Variants in CEP63 observed in about 807,000 individuals in gnomAD.
CEP63 encodes the protein centrosomal protein of 63 kDa.
A neutral mutation model predicts 89.1 loss-of-function variants in CEP63; 84 were observed. The ratio of observed to expected loss-of-function variants is 0.94; its 90% CI spans 0.79 to 1.13. The LOEUF is 1.13. Ranked by LOEUF, CEP63 falls within the 50% of genes most tolerant of loss-of-function variation. CEP63 has a pLI of 0.00. For synonymous variants in CEP63, 267 were observed against 272.5 expected (o/e 0.98, Z 0.20); for missense variants, 838 against 813.3 (o/e 1.03, Z -0.37).
At chr3:134,679,394 C>T in the CEP63 span, among the ~76,000 whole-genome samples, 2 of 152,144 alleles carry the variant, frequency 1.3e-5, no homozygotes, top group Non-Finnish European at 2.9e-5. Context: ...TATCTGGCCA[C>T]AGAGCAGAGC....
the CEP63 span, among the ~76,000 whole-genome samples, chr3:134,705,825 G>A: frequency 2.0e-4 from 30 of 152,342 alleles, no homozygotes; most frequent in African/African-American, 7.0e-4. Flanking sequence ...TAGATGGGAA[G>A]AGGTATGAAT....
chr3:134,652,656 A>ACACACACACACACG, the CEP63 span, among the ~76,000 whole-genome samples: 1 of 148,268 alleles, frequency 6.7e-6, no homozygotes, highest in East Asian at 2.0e-4. Context: ...ACACACACAC[A>ACACACACACACACG]CGCGCGCGCG....
the CEP63 span, among the ~76,000 whole-genome samples, chr3:134,618,222 G>C: frequency 6.6e-6 from 1 of 152,148 alleles, no homozygotes; most frequent in Non-Finnish European, 1.5e-5. Flanking sequence ...TTTGGGCCAG[G>C]AATAGGTTGC....
chr3:134,622,641 A>G, the CEP63 span, among the ~76,000 whole-genome samples: 1 of 152,228 alleles, frequency 6.6e-6, no homozygotes, highest in African/African-American at 2.4e-5. Context: ...AATTAATGCT[A>G]GTGAATTGTA....
chr3:134,588,462 G>C (rs945846245), downstream of CEP63, among the ~76,000 whole-genome samples: 1 of 152,046 alleles, frequency 6.6e-6, no homozygotes, highest in Non-Finnish European at 1.5e-5. Context: ...CGGAAATTAG[G>C]CAATACACTT....
At position 134,486,200 on chromosome 3, in the gene CEP63, G is replaced by C. The variant is rs890237823; in HGVS notation, c.-28G>C. The stretch of plus-strand genomic sequence containing the variant: ...TGGCGCGCGTGCGCAGCGCCGGCCC[G>C]AGGTAACGGCGGGAAGGCTCAGGGG... On this transcript the variant is annotated splice_region_variant and 5_prime_UTR_variant, in exon 1 of 15. Transcript: ENST00000675561. 9 of 985,518 alleles carry C rather than the reference G, an allele frequency of 9.1e-6. No homozygotes were observed. The African/African-American group carries it at 1.0e-4, about 11-fold the overall frequency. 61.0% of individuals were successfully genotyped at this position (985,518 alleles called of 1,614,324 possible).
the CEP63 span, among the ~76,000 whole-genome samples, chr3:134,600,153 A>T: frequency 6.6e-6 from 1 of 152,218 alleles, no homozygotes; most frequent in Non-Finnish European, 1.5e-5. Flanking sequence ...ATAGCAAATG[A>T]TGTAGTGATG....
At chr3:134,647,549 T>C in the CEP63 span, 1 of 1,137,116 alleles carries the variant, frequency 8.8e-7, no homozygotes, top group Non-Finnish European at 1.3e-6. Context: ...AAAAGAGTGA[T>C]GTACCAGTTG....
chr3:134,539,181 T>C (rs772481012), intron 6 of CEP63, among the ~76,000 whole-genome samples: 16 of 152,206 alleles, frequency 1.1e-4, no homozygotes, highest in Non-Finnish European at 2.1e-4. Context: ...AATAAACTTA[T>C]CTATATCCAT....
At chr3:134,716,981 G>A in the CEP63 span, among the ~76,000 whole-genome samples, 3 of 152,154 alleles carry the variant, frequency 2.0e-5, no homozygotes, top group African/African-American at 7.2e-5. Context: ...AGGGCAACCT[G>A]GCTGCCAAAT....
chr3:134,666,590 C>A, the CEP63 span, among the ~76,000 whole-genome samples: 1 of 152,220 alleles, frequency 6.6e-6, no homozygotes, highest in South Asian at 2.1e-4. Flanking sequence ...ATACCTTTTG[C>A]TTCACCAGCT....
chr3:134,761,321 G>A, the CEP63 span, among the ~76,000 whole-genome samples: 18 of 152,314 alleles, frequency 1.2e-4, no homozygotes, highest in Admixed American at 3.9e-4. Context: ...AAATGAAGGC[G>A]CCTGAGAGAG....
At chr3:134,780,372 A>G in the CEP63 span, among the ~76,000 whole-genome samples, 1 of 152,298 alleles carries the variant, frequency 6.6e-6, no homozygotes, top group South Asian at 2.1e-4. Flanking sequence ...TATCATTCCA[A>G]ACAGAAACTC....
the CEP63 span, among the ~76,000 whole-genome samples, chr3:134,750,688 A>T: frequency 2.0e-5 from 3 of 152,308 alleles, 1 homozygote; most frequent in African/African-American, 7.2e-5. Context: ...CCTACAAGCC[A>T]TGTATTGATC....
chr3:134,568,276 C>T (rs1365383213), downstream of CEP63, among the ~76,000 whole-genome samples: 1 of 152,208 alleles, frequency 6.6e-6, no homozygotes, highest in South Asian at 2.1e-4. Context: ...TAAACCCAAA[C>T]AGCCCACCAG....
chr3:134,498,642 G>A (rs1940944820), intron 2 of CEP63, among the ~76,000 whole-genome samples: 1 of 152,178 alleles, frequency 6.6e-6, no homozygotes, highest in South Asian at 2.1e-4. Flanking sequence ...CAGGTTCTTA[G>A]AGGAAGGGCT....
chr3:134,547,518 G>T, intron 9 of CEP63, 46 bp downstream of exon 9: 1 of 1,510,444 alleles, frequency 6.6e-7, no homozygotes. Flanking sequence ...TTGTTAAAAT[G>T]AATTTTTGAT....
chr3:134,536,839 C>G (rs1243822429), intron 5 of CEP63: 6 of 338,928 alleles, frequency 1.8e-5, no homozygotes, highest in Non-Finnish European at 3.4e-5. Flanking sequence ...TGAAAATTCA[C>G]TAGAAAATTA....
At chr3:134,715,867 C>T in the CEP63 span, among the ~76,000 whole-genome samples, 3 of 152,142 alleles carry the variant, frequency 2.0e-5, no homozygotes, top group Non-Finnish European at 4.4e-5. Flanking sequence ...AATTTATCAT[C>T]ATCTTTATAT....
Sources: allele counts gnomAD v4.1 joint callset (sites outside exome capture counted in the v4.1 genomes callset), GRCh38; gene constraint gnomAD v4.1.1; transcripts MANE v1.5; gene names NCBI Gene and HGNC (gene_info 2026-07-23, HGNC 2026-07-21).